FAM110B: variants seen among roughly 807,000 people sequenced by gnomAD.
FAM110B encodes protein FAM110B.
Under a neutral mutation model 20.4 loss-of-function variants are expected in FAM110B, and 6 were observed. The ratio of observed to expected loss-of-function variants is 0.29; its 90% CI spans 0.16 to 0.58. FAM110B has a LOEUF of 0.58. FAM110B is among the 20% of genes least tolerant of loss of function. The pLI is 0.90. For missense variants in FAM110B, 434 were observed against 498.2 expected (o/e 0.87, Z 1.23); for synonymous variants, 226 against 214.1 (o/e 1.06, Z -0.49).
At chr8:58,034,179 C>G (rs1321767090) in intron 2 of FAM110B, among the ~76,000 whole-genome samples, 1 of 152,158 alleles carries the variant, frequency 6.6e-6, no homozygotes. Context: ...GTGCATCTGT[C>G]TAGACCAAGG....
intron 3 of FAM110B, among the ~76,000 whole-genome samples, chr8:58,129,032 A>T (rs573572798): frequency 6.6e-6 from 1 of 152,352 alleles, no homozygotes; most frequent in East Asian, 1.9e-4. Flanking sequence ...AGTGATCCAG[A>T]ATGCCTTAGT....
intron 2 of FAM110B, chr8:58,032,557 G>A (rs1424709059): frequency 6.6e-6 from 1 of 152,124 alleles, no homozygotes; most frequent in East Asian, 1.9e-4. Flanking sequence ...TGAAAGTATT[G>A]GGGTAAAGAT....
intron 1 of FAM110B, among the ~76,000 whole-genome samples, chr8:58,008,295 G>C (rs1039953507): frequency 2.6e-5 from 4 of 151,922 alleles, no homozygotes; most frequent in African/African-American, 9.7e-5. Context: ...ACCACACCCG[G>C]CTAATTTTTG....
chr8:58,029,643 C>T (rs181858783), intron 1 of FAM110B, among the ~76,000 whole-genome samples: 218 of 152,206 alleles, frequency 1.4e-3, no homozygotes, highest in South Asian at 9.8e-3. Context: ...GGATTTACAC[C>T]TAGAAAACCT....
intron 2 of FAM110B, among the ~76,000 whole-genome samples, chr8:58,062,874 T>C (rs1805686631): frequency 6.6e-6 from 1 of 152,216 alleles, no homozygotes; most frequent in African/African-American, 2.4e-5. Flanking sequence ...AATGAGAGAA[T>C]TGTCCAAATA....
intron 3 of FAM110B, chr8:58,113,093 G>C (rs934415615): frequency 1.3e-5 from 2 of 152,166 alleles, no homozygotes; most frequent in Non-Finnish European, 2.9e-5. Context: ...ATTCATGGGG[G>C]GGGGCTCTGC....
rs71557704 is a variant in FAM110B at position 58,105,556 on chromosome 8, A to ATT, written c.-325+29962_-325+29963dup. Reference sequence around the variant, plus strand: ...TGAAAATGAATGAATGAATGAATGAATTTTTTTTTTTTTTTTTTTTTTTTT... The same window carrying ATT: ...TGAAAATGAATGAATGAATGAATGAATTTTTTTTTTTTTTTTTTTTTTTTTTT... On this transcript the variant is annotated intron_variant, in intron 3 of 3. Transcript: ENST00000519262. 3.9e-3 allele frequency among the ~76,000 whole-genome samples: 369 copies of ATT among 94,642 alleles called. 37 individuals carry two copies. Among genetic ancestry groups the ATT allele is most frequent in the African/African-American group, 7.7e-3 (154 of 19,948 alleles). The allele number at this position is 94,642 out of a possible 152,430, so 62.1% of individuals were successfully genotyped here. A position where few individuals can be genotyped will look rare whatever the true frequency, so the allele number is the denominator to read the frequency against.
intron 2 of FAM110B, among the ~76,000 whole-genome samples, chr8:58,037,484 T>A (rs1219669652): frequency 6.8e-6 from 1 of 146,024 alleles, no homozygotes; most frequent in African/African-American, 2.6e-5. Flanking sequence ...AAAAAAAAAT[T>A]AAAAATTATC....
rs746771164 is a variant in FAM110B at position 58,147,308 on chromosome 8, C to T, written c.1078C>T (p.Gln360Ter). The T allele has an allele frequency of 6.2e-7, 1 of 1,614,058 alleles. No homozygotes were observed. Among genetic ancestry groups the T allele is most frequent in the Non-Finnish European group, 8.5e-7 (1 of 1,179,952 alleles). The change falls in exon 4 of 4, where the codon CAA (glutamine) becomes TAA (stop). Residue 360 changes from glutamine to a stop codon, truncating the protein, a stop_gained. Coordinates refer to ENST00000519262, the MANE Select transcript of FAM110B (RefSeq NM_001377989.1). LOFTEE classifies it high-confidence loss of function. ...CATCAAGTGGTTATATAGCATCAAA[C>T]AAGCTAGAGAGTCACAGAAGGTCTC... ...RIIKWLYSIK[Q>*]ARESQKVSHV
intron 2 of FAM110B, among the ~76,000 whole-genome samples, chr8:58,058,946 C>T (rs567392562): frequency 6.6e-6 from 1 of 152,264 alleles, no homozygotes; most frequent in South Asian, 2.1e-4. Context: ...TTCTCTCTTG[C>T]CACTTTTCAG....
chr8:58,130,689 C>T (rs1316197833), intron 3 of FAM110B, among the ~76,000 whole-genome samples: 6 of 152,096 alleles, frequency 3.9e-5, no homozygotes, highest in Admixed American at 6.5e-5. Flanking sequence ...TGATTGAATC[C>T]CTTCCTTAGC....
At chr8:58,061,422 A>G (rs552434947) in intron 2 of FAM110B, among the ~76,000 whole-genome samples, 93 of 152,284 alleles carry the variant, frequency 6.1e-4, no homozygotes, top group Non-Finnish European at 1.2e-3. Context: ...ATGATAAAAA[A>G]CATTCATCAT....
intron 3 of FAM110B, among the ~76,000 whole-genome samples, chr8:58,104,487 A>T (rs1280793153): frequency 3.3e-5 from 5 of 152,194 alleles, no homozygotes; most frequent in Admixed American, 3.3e-4. Context: ...AAATATAGTG[A>T]TTGTAGATTT....
chr8:58,009,179 T>C (rs1260381318), intron 1 of FAM110B, among the ~76,000 whole-genome samples: 2 of 152,236 alleles, frequency 1.3e-5, no homozygotes, highest in African/African-American at 2.4e-5. Context: ...TCTGCTTTGG[T>C]CTTAAACCTC....
intron 3 of FAM110B, among the ~76,000 whole-genome samples, chr8:58,127,201 A>C (rs1807530247): frequency 6.6e-6 from 1 of 152,224 alleles, no homozygotes; most frequent in Non-Finnish European, 1.5e-5. Flanking sequence ...GTCAAAAATC[A>C]GTTGGCTTAA....
At chr8:58,046,852 G>A (rs1197626692) in intron 2 of FAM110B, among the ~76,000 whole-genome samples, 2 of 152,182 alleles carry the variant, frequency 1.3e-5, no homozygotes, top group Non-Finnish European at 2.9e-5. Context: ...CTTTACTGTA[G>A]TGACTATAGT....
rs1259951615 is a variant in FAM110B at position 58,031,703 on chromosome 8, G to T, written c.-414G>T. 1 of 152,092 alleles carries T rather than the reference G, an allele frequency of 6.6e-6. No individual in the cohort carries two copies. Among genetic ancestry groups the T allele is most frequent in the South Asian group, 2.1e-4 (1 of 4,828 alleles). 9.4% of individuals were successfully genotyped at this position (152,092 alleles called of 1,614,324 possible). A position where few individuals can be genotyped will look rare whatever the true frequency, so the allele number is the denominator to read the frequency against. On this transcript the variant is annotated splice_region_variant and 5_prime_UTR_variant, in exon 2 of 4. Transcript: ENST00000519262. Reference sequence around the variant, plus strand: ...TGTAAGTCCTGAAAAGGAAATAAAAGGTAATTACATTAAAAATTTATTATT... The same window carrying T: ...TGTAAGTCCTGAAAAGGAAATAAAATGTAATTACATTAAAAATTTATTATT...
At chr8:58,083,991 G>C (rs987127221) in intron 3 of FAM110B, among the ~76,000 whole-genome samples, 6 of 152,186 alleles carry the variant, frequency 3.9e-5, no homozygotes, top group Admixed American at 2.0e-4. Flanking sequence ...ACTCCTGGTT[G>C]ATCCGGATCA....
chr8:58,137,342 C>G (rs183284912), intron 3 of FAM110B, among the ~76,000 whole-genome samples: 64 of 152,214 alleles, frequency 4.2e-4, no homozygotes, highest in African/African-American at 1.5e-3. Flanking sequence ...GGCGGATCAC[C>G]TTAGGTCAGG....
Sources: allele counts gnomAD v4.1 joint callset (sites outside exome capture counted in the v4.1 genomes callset), GRCh38; gene constraint gnomAD v4.1.1; transcripts MANE v1.5; gene names NCBI Gene and HGNC (gene_info 2026-07-23, HGNC 2026-07-21).